Variants in CYP4F11 observed in about 807,000 individuals in gnomAD.
CYP4F11 encodes the protein cytochrome P450 4F11.
In CYP4F11, 79 loss-of-function variants were observed where a neutral mutation model predicts 62.2. The ratio of observed to expected loss-of-function variants is 1.27; its 90% confidence interval spans 1.06 to 1.53. The LOEUF (loss-of-function observed/expected upper bound fraction) is 1.53, where lower values mean the gene tolerates loss of function less well. Among genes scored for constraint, CYP4F11 ranks in the 40% most tolerant of loss-of-function variants. The pLI is 0.00. For missense variants in CYP4F11, 777 were observed against 680.5 expected, an observed-to-expected ratio of 1.14 and a Z score of -1.58; for synonymous variants, 290 against 263.7, an observed-to-expected ratio of 1.10 and a Z score of -0.97.
intron 8 of CYP4F11, among the ~76,000 whole-genome samples, chr19:15,919,587 C>A (rs981260164): frequency 6.6e-6 from 1 of 151,878 alleles, no homozygotes. Context: ...TTAGGGAAAG[C>A]GAGGATATTA....
chr19:15,924,881 T>C lies in CYP4F11; in HGVS notation c.527A>G (p.Asp176Gly), dbSNP rs1313751682. 15 of 1,608,420 alleles carry C rather than the reference T, an allele frequency of 9.3e-6. No individual in the cohort carries two copies. Among genetic ancestry groups the C allele is most frequent in the Non-Finnish European group, 1.3e-5 (15 of 1,177,206 alleles). ...CTCTGAGGCCAGGCGCTGCCACTTG[T>C]CCTGGCCAGAGAAAAAACAGAGCCA... The part of the protein sequence containing the change: ...IFNKSVNIMH[D>G]KWQRLASEGS... The change falls in exon 5 of 12, where the codon GAC becomes GGC. Residue 176 changes from aspartate (D) to glycine (G), a missense_variant and splice_region_variant. By Grantham distance (94) the Asp-to-Gly change is moderately conservative (BLOSUM62 -1). Coordinates refer to ENST00000402119, the MANE Select transcript of CYP4F11 (RefSeq NM_021187.4).
intron 6 of CYP4F11, among the ~76,000 whole-genome samples, chr19:15,923,206 G>T (rs2089641647): frequency 6.7e-6 from 1 of 148,574 alleles, no homozygotes; most frequent in Admixed American, 6.7e-5. Flanking sequence ...CACTGGAAAG[G>T]AGTAGTTTTT....
intron 4 of CYP4F11, among the ~76,000 whole-genome samples, chr19:15,926,177 A>G (rs1454172251): frequency 6.7e-6 from 1 of 149,410 alleles, no homozygotes; most frequent in Non-Finnish European, 1.5e-5. Flanking sequence ...AAAAAAAAGA[A>G]AGCAGATTCC....
chr19:15,932,342 GA>G (rs2089734076), intron 1 of CYP4F11, among the ~76,000 whole-genome samples: 1 of 90,890 alleles, frequency 1.1e-5, no homozygotes, highest in Admixed American at 9.9e-5. Flanking sequence ...ATGAGTGAGC[GA>G]GGAGAGGAAT....
chr19:15,927,127 A>G lies in CYP4F11; in HGVS notation c.525+85T>C, dbSNP rs1422986802. ...CAGAGAGGAAGAGCATTGTCCCCAA[A>G]GCACAACCAAAATTCCAGAGCAGAT... On this transcript the variant is annotated intron_variant, in intron 4 of 11. Transcript: ENST00000402119. 2.0e-6 allele frequency: 3 copies of G among 1,508,566 alleles called. No individual in the cohort carries two copies. In the African/African-American group the frequency reaches 4.2e-5, roughly 21 times the overall value. The allele number at this position is 1,508,566 out of a possible 1,614,324, so 93.4% of individuals were successfully genotyped here. A position where few individuals can be genotyped will look rare whatever the true frequency, so the allele number is the denominator to read the frequency against.
rs1243320677 is a variant in CYP4F11, at chr19:15,912,697, A to ATATGTG, written c.*1034_*1035insCACATA. ...AAAAAAAAAATATATATATATATAT[A>ATATGTG]TGTGTGTGTGTGTGTGTGTGTGTGT... On this transcript the variant is annotated 3_prime_UTR_variant, in exon 12 of 12. Transcript: ENST00000402119. 1.4e-4 allele frequency: 10 copies of ATATGTG among 72,688 alleles called. 1 individual carries two copies. The highest frequency in any genetic ancestry group is 4.8e-4 in the East Asian group (1 of 2,104). 4.5% of individuals were successfully genotyped at this position (72,688 alleles called of 1,614,324 possible). A position where few individuals can be genotyped will look rare whatever the true frequency, so the allele number is the denominator to read the frequency against.
In CYP4F11 at chr19:15,921,531, C is replaced by A. The variant is rs2089629189; in HGVS notation, c.1115+506G>T. ...GGATTCTTCCAAGCTCTCCAGAGCA[C>A]CGAAAGGTGCTAGATACAAAACTGG... On this transcript the variant is annotated intron_variant, in intron 8 of 11. Coordinates refer to ENST00000402119, the MANE Select transcript of CYP4F11 (RefSeq NM_021187.4). Among the ~76,000 whole-genome samples the A allele has an allele frequency of 2.0e-5, 3 of 152,170 alleles. No individual in the cohort carries two copies. In the South Asian group the frequency reaches 6.2e-4, roughly 32 times the overall value.
At position 15,934,445 on chromosome 19, in the gene CYP4F11, G is replaced by C. The variant is rs764885302; in HGVS notation, c.-37C>G. 2.5e-6 allele frequency: 4 copies of C among 1,607,076 alleles called. No individual in the cohort carries two copies. The highest frequency in any genetic ancestry group is 3.4e-6 in the Non-Finnish European group (4 of 1,177,840). ...GACGGGATGGAGGGTGGGATCCTGAGGCCCAGGGAAGGGCCCAGGAAGCTC... is the reference window on the plus strand; with the variant it reads ...GACGGGATGGAGGGTGGGATCCTGACGCCCAGGGAAGGGCCCAGGAAGCTC... On this transcript the variant is annotated 5_prime_UTR_variant, in exon 1 of 12. Transcript: ENST00000402119.
chr19:15,912,763 GTGTGTGTGTA>G lies in CYP4F11; in HGVS notation c.*959_*968del, dbSNP rs1242840700. ...TGTATATATGTGTGTGTGTGTGTGT[GTGTGTGTGTA>G]TATATATATATATATAATATATATA... On this transcript the variant is annotated 3_prime_UTR_variant, in exon 12 of 12. Transcript: ENST00000402119. 1,298 of 25,202 alleles carry G rather than the reference GTGTGTGTGTA, an allele frequency of 0.052. 137 individuals carry two copies. The highest frequency in any genetic ancestry group is 0.31 in the Admixed American group (1,037 of 3,314). The allele number at this position is 25,202 out of a possible 1,614,324, so 1.6% of individuals were successfully genotyped here. A position where few individuals can be genotyped will look rare whatever the true frequency, so the allele number is the denominator to read the frequency against.
chr19:15,927,519 G>T, intron 2 of CYP4F11, 36 bp from the exon 3 acceptor site: 1 of 1,612,346 alleles, frequency 6.2e-7, no homozygotes, highest in Non-Finnish European at 8.5e-7. Context: ...GCCATGGAGA[G>T]GGGTGAGAGA....
chr19:15,914,175 G>A, intron 11 of CYP4F11, 130 bp downstream of exon 11: 1 of 1,242,108 alleles, frequency 8.1e-7, no homozygotes. Context: ...CCCATTCTGT[G>A]AACAGTTGCC....
At chr19:15,915,532 A>C (rs1162457491) in intron 8 of CYP4F11, among the ~76,000 whole-genome samples, 2 of 152,230 alleles carry the variant, frequency 1.3e-5, no homozygotes, top group Admixed American at 6.5e-5. Flanking sequence ...CCTATGGCCC[A>C]AAGTCACCTG....
At position 15,924,760 on chromosome 19, in the gene CYP4F11, C is replaced by T. The variant is rs2089655841; in HGVS notation, c.647+1G>A. Reference sequence around the variant, plus strand: ...TTCTCAGGTCCTAGGAAAGGACTCACTCCTGACAATTGCTTTCAAAGCTGA... The same window carrying T: ...TTCTCAGGTCCTAGGAAAGGACTCATTCCTGACAATTGCTTTCAAAGCTGA... On this transcript the variant is annotated splice_donor_variant, in intron 5 of 11. Transcript: ENST00000402119. LOFTEE classifies it high-confidence loss of function. The T allele has an allele frequency of 6.2e-7, 1 of 1,609,714 alleles. No homozygotes were observed. Among genetic ancestry groups the T allele is most frequent in the Non-Finnish European group, 8.5e-7 (1 of 1,177,300 alleles).
chr19:15,933,303 A>G (rs868047165), intron 1 of CYP4F11, among the ~76,000 whole-genome samples: 2 of 3,782 alleles, frequency 5.3e-4, no homozygotes, highest in Admixed American at 2.4e-3. Flanking sequence ...TGAGTGAGTG[A>G]GGAGAGGAAT....
chr19:15,915,558 G>C (rs771564322), intron 8 of CYP4F11, among the ~76,000 whole-genome samples: 18 of 151,968 alleles, frequency 1.2e-4, no homozygotes, highest in Non-Finnish European at 2.1e-4. Context: ...TCTCCTCACA[G>C]GTTGCCTAAG....
chr19:15,925,768 T>A (rs2089664488), intron 4 of CYP4F11, among the ~76,000 whole-genome samples: 1 of 128,200 alleles, frequency 7.8e-6, no homozygotes, highest in African/African-American at 2.9e-5. Context: ...ACCCTGTAGT[T>A]GTTTGGGCCG....
Position 15,922,174 on chromosome 19 carries a change from G to A in CYP4F11, c.986-8C>T, listed in dbSNP as rs2089634501. The A allele has an allele frequency of 6.2e-7, 1 of 1,605,486 alleles. No homozygotes were observed. Among genetic ancestry groups the A allele is most frequent in the Middle Eastern group, 1.7e-4 (1 of 5,978 alleles). On this transcript the variant is annotated splice_polypyrimidine_tract_variant and splice_region_variant and intron_variant, in intron 7 of 11. Coordinates refer to ENST00000402119, the MANE Select transcript of CYP4F11 (RefSeq NM_021187.4). ...TGGCTGTAGTGTCATGGCCTGAGGGGCAGCCAAGCAAAACTGGGTTTCTGG... is the reference window on the plus strand; with the variant it reads ...TGGCTGTAGTGTCATGGCCTGAGGGACAGCCAAGCAAAACTGGGTTTCTGG...
chr19:15,913,565 G>A lies in CYP4F11; in HGVS notation c.*167C>T. ...CTGTGCTCAGCCAGAGAGGCCGTCA[G>A]GGTTTTGGGTTCAGAGACGTCACCC... is the stretch of plus-strand genomic sequence containing the variant. On this transcript the variant is annotated 3_prime_UTR_variant, in exon 12 of 12. Coordinates refer to ENST00000402119, the MANE Select transcript of CYP4F11 (RefSeq NM_021187.4). 1.2e-6 allele frequency: 1 copy of A among 809,598 alleles called. No homozygotes were observed. The highest frequency in any genetic ancestry group is 1.9e-6 in the Non-Finnish European group (1 of 517,244). The allele number at this position is 809,598 out of a possible 1,614,324, so 50.2% of individuals were successfully genotyped here.
At chr19:15,915,827 T>C (rs1018549173) in intron 8 of CYP4F11, among the ~76,000 whole-genome samples, 3 of 151,896 alleles carry the variant, frequency 2.0e-5, no homozygotes, top group Non-Finnish European at 2.9e-5. Flanking sequence ...AACATTGTCC[T>C]ATTATAAGAC....
Sources: allele counts gnomAD v4.1 joint callset (sites outside exome capture counted in the v4.1 genomes callset), GRCh38; gene constraint gnomAD v4.1.1; transcripts MANE v1.5; gene names NCBI Gene and HGNC (gene_info 2026-07-23, HGNC 2026-07-21).